WDFY3: variants seen among roughly 807,000 people sequenced by gnomAD.
WDFY3 encodes WD repeat and FYVE domain-containing protein 3.
WDFY3 carries 66 observed loss-of-function variants against 409.6 expected under a neutral mutation model. The ratio of observed to expected loss-of-function variants is 0.16; its 90% CI spans 0.13 to 0.20. The LOEUF (loss-of-function observed/expected upper bound fraction) is 0.20. Among genes scored for constraint, WDFY3 ranks in the 10% least tolerant of loss-of-function variants. WDFY3 has a pLI of 1.00. For synonymous variants in WDFY3, 1,521 were observed against 1,537.1 expected, an observed-to-expected ratio of 0.99 and a Z score of 0.25; for missense variants, 3,031 against 4,298.1, an observed-to-expected ratio of 0.71 and a Z score of 8.24.
intron 3 of WDFY3, among the ~76,000 whole-genome samples, chr4:84,871,347 T>C (rs563362424): frequency 1.3e-3 from 204 of 152,132 alleles, no homozygotes; most frequent in African/African-American, 4.7e-3. Flanking sequence ...GTTTAAACAT[T>C]AGGAGAAAAG....
intron 64 of WDFY3, among the ~76,000 whole-genome samples, chr4:84,679,996 T>C (rs192714179): frequency 6.6e-6 from 1 of 151,974 alleles, no homozygotes; most frequent in Non-Finnish European, 1.5e-5. Flanking sequence ...GTTCAAGCGA[T>C]TCTCCTGCCT....
intron 62 of WDFY3, 87 bp downstream of exon 62, chr4:84,687,999 C>A: frequency 7.1e-7 from 1 of 1,408,432 alleles, no homozygotes; most frequent in Non-Finnish European, 9.8e-7. Flanking sequence ...GCAACTCAGA[C>A]ATGTTCCCCT....
chr4:84,877,280 A>G (rs1762920204), intron 3 of WDFY3, among the ~76,000 whole-genome samples: 1 of 152,096 alleles, frequency 6.6e-6, no homozygotes, highest in South Asian at 2.1e-4. Context: ...CTACATCCAG[A>G]TGATTATGAA....
At chr4:84,832,494 C>T (rs1325666889) in intron 7 of WDFY3, among the ~76,000 whole-genome samples, 2 of 151,692 alleles carry the variant, frequency 1.3e-5, no homozygotes, top group African/African-American at 2.4e-5. Context: ...TTAAATGTTC[C>T]CAATGCAAAG....
chr4:84,697,599 A>T lies in WDFY3; in HGVS notation c.8597-776T>A, dbSNP rs573810219. ...CACTGTGAAATCTATCCACATCAAA[A>T]TATATTAAATTTGGCTGCATCTAAA... is the stretch of plus-strand genomic sequence containing the variant. On this transcript the variant is annotated intron_variant, in intron 56 of 67. Coordinates refer to ENST00000295888, the MANE Select transcript of WDFY3 (RefSeq NM_014991.6). Among the ~76,000 whole-genome samples the T allele has an allele frequency of 6.6e-5, 10 of 152,316 alleles. 1 individual carries two copies. The South Asian group carries it at 2.1e-3, about 32-fold the overall frequency.
chr4:84,929,347 T>C (rs1478694300), intron 2 of WDFY3, among the ~76,000 whole-genome samples: 1 of 152,138 alleles, frequency 6.6e-6, no homozygotes, highest in Admixed American at 6.6e-5. Context: ...TGAGAGATCC[T>C]GAGCCAGAGG....
At chr4:84,744,153 A>G (rs1432684248) in intron 36 of WDFY3, among the ~76,000 whole-genome samples, 3 of 148,906 alleles carry the variant, frequency 2.0e-5, no homozygotes, top group African/African-American at 4.9e-5. Context: ...AAAAACTGTT[A>G]TAACAGTTTA....
intron 15 of WDFY3, among the ~76,000 whole-genome samples, chr4:84,806,038 A>G (rs750216391): frequency 6.6e-5 from 10 of 152,174 alleles, no homozygotes; most frequent in Non-Finnish European, 1.3e-4. Context: ...CACAACCTCA[A>G]AACGTCCTTA....
chr4:84,770,195 A>AT (rs977963548), intron 30 of WDFY3, among the ~76,000 whole-genome samples: 1 of 151,202 alleles, frequency 6.6e-6, no homozygotes, highest in Non-Finnish European at 1.5e-5. Flanking sequence ...CGCCTGGCTA[A>AT]TTTTTTTGTA....
In WDFY3 at chr4:84,794,917, C is replaced by A. The variant is rs532377063; in HGVS notation, c.3230G>T (p.Gly1077Val). ...ACTGACCACAGCCCCATCAATAAGA[C>A]CTGTTGTGACGGTATTATTTGTAGG... Reference protein sequence around the residue: ...NAPTNNTVTTGLIDGAVVSGI... With the variant: ...NAPTNNTVTTVLIDGAVVSGI... Residue 1077 changes from glycine to valine, a missense_variant, in exon 20 of 68, where the codon GGT becomes GTT. Physicochemically the swap from Gly to Val is moderately radical, Grantham distance 109. This residue lies in a region of WDFY3 where 1,322 missense variants were observed against 1,697.9 expected (regional missense o/e 0.78). Coordinates refer to ENST00000295888, the MANE Select transcript of WDFY3 (RefSeq NM_014991.6). The A allele has an allele frequency of 1.3e-6, 2 of 1,580,742 alleles. No homozygotes were observed. The highest frequency in any genetic ancestry group is 1.7e-6 in the Non-Finnish European group (2 of 1,168,380).
At chr4:84,755,679 T>A (rs1243997257) in intron 33 of WDFY3, among the ~76,000 whole-genome samples, 2 of 152,122 alleles carry the variant, frequency 1.3e-5, no homozygotes, top group Non-Finnish European at 2.9e-5. Context: ...AATATAAAAA[T>A]AAAATACATG....
At chr4:84,879,860 C>T (rs965781895) in intron 3 of WDFY3, among the ~76,000 whole-genome samples, 9 of 151,980 alleles carry the variant, frequency 5.9e-5, no homozygotes, top group Non-Finnish European at 1.2e-4. Context: ...CATGAATGGC[C>T]ACAAAAATAT....
chr4:84,914,608 A>T (rs1768230253), intron 2 of WDFY3, among the ~76,000 whole-genome samples: 1 of 152,204 alleles, frequency 6.6e-6, no homozygotes, highest in South Asian at 2.1e-4. Flanking sequence ...TTTAGTCATT[A>T]GGAAAATGCA....
chr4:84,711,558 AAATT>A (rs1282392192), intron 51 of WDFY3, among the ~76,000 whole-genome samples: 1 of 152,208 alleles, frequency 6.6e-6, no homozygotes, highest in African/African-American at 2.4e-5. Context: ...TAAAATAAAA[AAATT>A]AATATACAGG....
intron 2 of WDFY3, among the ~76,000 whole-genome samples, chr4:84,911,689 A>C (rs1767815382): frequency 6.6e-6 from 1 of 152,204 alleles, no homozygotes; most frequent in South Asian, 2.1e-4. Flanking sequence ...ATAGCCTAGG[A>C]ATATTGAAAA....
intron 5 of WDFY3, 50 bp downstream of exon 5, chr4:84,849,852 C>G: frequency 6.3e-7 from 1 of 1,599,608 alleles, no homozygotes; most frequent in Non-Finnish European, 8.5e-7. Context: ...TTTTACAGAA[C>G]TGCTTGTTCA....
chr4:84,881,053 T>C (rs1176726292), intron 3 of WDFY3, among the ~76,000 whole-genome samples: 1 of 151,980 alleles, frequency 6.6e-6, no homozygotes, highest in Non-Finnish European at 1.5e-5. Context: ...CTTCTTCAAT[T>C]GTTTGTCACA....
intron 58 of WDFY3, among the ~76,000 whole-genome samples, chr4:84,695,448 CGTGT>C (rs150816589): frequency 8.2e-4 from 111 of 136,086 alleles, no homozygotes; most frequent in South Asian, 4.2e-3. Flanking sequence ...ATTTGGGTCC[CGTGT>C]GTGTGTGTGT....
At chr4:84,734,706 T>C (rs2149180691) in intron 43 of WDFY3, among the ~76,000 whole-genome samples, 1 of 152,350 alleles carries the variant, frequency 6.6e-6, no homozygotes, top group Admixed American at 6.5e-5. Context: ...ACAATCTCCT[T>C]GTTAAAAGCC....
Sources: allele counts gnomAD v4.1 joint callset (sites outside exome capture counted in the v4.1 genomes callset), GRCh38; gene constraint gnomAD v4.1.1; regional missense constraint gnomAD v4.1.1; transcripts MANE v1.5; gene names NCBI Gene and HGNC (gene_info 2026-07-23, HGNC 2026-07-21).